TMEM151B: variants seen among roughly 807,000 people sequenced by gnomAD.
TMEM151B encodes the protein transmembrane protein 151B.
Under a neutral mutation model 33.0 loss-of-function variants are expected in TMEM151B, and 18 were observed. The ratio of observed to expected loss-of-function variants is 0.55; its 90% CI spans 0.38 to 0.81. The LOEUF (loss-of-function observed/expected upper bound fraction) is 0.81, where lower values mean the gene tolerates loss of function less well. TMEM151B is among the 30% of genes least tolerant of loss of function. The pLI is 0.00. For synonymous variants in TMEM151B, 354 were observed against 373.6 expected (o/e 0.95, Z 0.61); for missense variants, 672 against 843.4 (o/e 0.80, Z 2.52).
rs1260162116 is a variant in TMEM151B at position 44,278,893 on chromosome 6, A to ACACACACC, written c.*2367_*2368insACACACCC. 2.5e-3 allele frequency: 375 copies of ACACACACC among 149,566 alleles called. 1 individual carries two copies. Among genetic ancestry groups the ACACACACC allele is most frequent in the African/African-American group, 8.6e-3 (347 of 40,508 alleles). The allele number at this position is 149,566 out of a possible 1,614,324, so 9.3% of individuals were successfully genotyped here. A position where few individuals can be genotyped will look rare whatever the true frequency, so the allele number is the denominator to read the frequency against. On this transcript the variant is annotated 3_prime_UTR_variant, in exon 3 of 3. Coordinates refer to ENST00000451188, the MANE Select transcript of TMEM151B (RefSeq NM_001137560.2). ...TATACACACACACACACACACACACACCCTCACACCTACACGTTTGCACTC... is the reference window on the plus strand; with the variant it reads ...TATACACACACACACACACACACACACACACACCCCCTCACACCTACACGTTTGCACTC...
Position 44,275,896 on chromosome 6 carries a change from C to T in TMEM151B, c.1070C>T (p.Pro357Leu). ...GLSPSDELLP[P>L]LTHRLPRVNT... Reference sequence around the variant, plus strand: ...AGCCCCAGCGATGAGCTGCTGCCCCCGCTCACCCACCGCCTGCCGCGGGTC... The same window carrying T: ...AGCCCCAGCGATGAGCTGCTGCCCCTGCTCACCCACCGCCTGCCGCGGGTC... The change falls in exon 3 of 3, where the codon CCG (proline) becomes CTG (leucine). Residue 357 changes from proline to leucine, a missense_variant. Pro to Leu is a moderately conservative substitution (Grantham distance 98). Transcript: ENST00000451188. The T allele has an allele frequency of 1.3e-6, 2 of 1,532,778 alleles. No homozygotes were observed. Among genetic ancestry groups the T allele is most frequent in the Non-Finnish European group, 1.8e-6 (2 of 1,139,780 alleles). 94.9% of individuals were successfully genotyped at this position (1,532,778 alleles called of 1,614,324 possible). A position where few individuals can be genotyped will look rare whatever the true frequency, so the allele number is the denominator to read the frequency against.
At position 44,277,373 on chromosome 6, in the gene TMEM151B, A is replaced by G. The variant is rs325020; in HGVS notation, c.*846A>G. On this transcript the variant is annotated 3_prime_UTR_variant, in exon 3 of 3. Transcript: ENST00000451188. Reference sequence around the variant, plus strand: ...GCCTCCTCACCTGGGTTCTGAGTGTATACCCCTTTTAGAGAGTGAGATGCC... The same window carrying G: ...GCCTCCTCACCTGGGTTCTGAGTGTGTACCCCTTTTAGAGAGTGAGATGCC... 152,238 of 152,494 alleles carry G rather than the reference A, an allele frequency of 1. 75,991 individuals are homozygous for G. Among genetic ancestry groups the G allele is most frequent in the Middle Eastern group, 1 (294 of 294 alleles). The allele number at this position is 152,494 out of a possible 1,614,324, so 9.4% of individuals were successfully genotyped here.
In TMEM151B at chr6:44,278,387, C is replaced by G. The variant is rs2153339067; in HGVS notation, c.*1860C>G. On this transcript the variant is annotated 3_prime_UTR_variant, in exon 3 of 3. Coordinates refer to ENST00000451188, the MANE Select transcript of TMEM151B (RefSeq NM_001137560.2). The stretch of plus-strand genomic sequence containing the variant: ...CTACTAGCACTGAACCTGCCTGGAC[C>G]CTGAGTCTGTGCTCCTTGGGGGCCT... 6.5e-6 allele frequency: 1 copy of G among 153,038 alleles called. No individual in the cohort carries two copies. Among genetic ancestry groups the G allele is most frequent in the East Asian group, 1.9e-4 (1 of 5,194 alleles). The allele number at this position is 153,038 out of a possible 1,614,324, so 9.5% of individuals were successfully genotyped here.
At position 44,273,150 on chromosome 6, in the gene TMEM151B, G is replaced by A. The variant is rs369005521; in HGVS notation, c.220G>A (p.Gly74Ser). 6.5e-6 allele frequency: 10 copies of A among 1,543,406 alleles called. No individual in the cohort carries two copies. In the African/African-American group the frequency reaches 8.2e-5, roughly 13 times the overall value. ...KCLLLSLLMY[G>S]CLGAVAWCHV... ...CCTCCTGCTCTCGCTGCTCATGTACGGCTGCCTGGGGGCAGTGGCCTGGTG... is the reference window on the plus strand; with the variant it reads ...CCTCCTGCTCTCGCTGCTCATGTACAGCTGCCTGGGGGCAGTGGCCTGGTG... Residue 74 changes from glycine to serine, a missense_variant, in exon 2 of 3, where the codon GGC (glycine) becomes AGC (serine). This residue lies in a region of TMEM151B where 285 missense variants were observed against 423.1 expected (regional missense o/e 0.67). Coordinates refer to ENST00000451188, the MANE Select transcript of TMEM151B (RefSeq NM_001137560.2).
chr6:44,270,845 G>T lies in TMEM151B; in HGVS notation c.103G>T (p.Ala35Ser), dbSNP rs1782299853. 8.9e-7 allele frequency: 1 copy of T among 1,124,578 alleles called. No homozygotes were observed. Among genetic ancestry groups the T allele is most frequent in the Non-Finnish European group, 1.1e-6 (1 of 921,468 alleles). 69.7% of individuals were successfully genotyped at this position (1,124,578 alleles called of 1,614,324 possible). ...GGAGCTCACGGCGGCGGCGGCAGCG[G>T]CGGCGGCGGACGAGGGCCCCGCCCG... ...SEELTAAAAA[A>S]AADEGPAREE... is the part of the protein sequence containing the mutation. Residue 35 changes from alanine (A) to serine (S), a missense_variant, in exon 1 of 3, where the codon GCG (alanine) becomes TCG (serine). Ala to Ser is a moderately conservative substitution (Grantham distance 99). Around this residue, in one of 3 missense-constraint regions of TMEM151B, gnomAD observed 63 missense variants for 57.2 expected, o/e 1.10. Transcript: ENST00000451188.
At chr6:44,271,492 C>T (rs1459809568) in intron 1 of TMEM151B, among the ~76,000 whole-genome samples, 3 of 151,858 alleles carry the variant, frequency 2.0e-5, no homozygotes, top group Non-Finnish European at 4.4e-5. Flanking sequence ...ACCAGGAGCA[C>T]CCCCACTCCA....
At chr6:44,272,548 G>A (rs1289570546) in intron 1 of TMEM151B, among the ~76,000 whole-genome samples, 1 of 152,124 alleles carries the variant, frequency 6.6e-6, no homozygotes, top group African/African-American at 2.4e-5. Context: ...CTGGAAGTGA[G>A]GGCCCCACTT....
At position 44,276,831 on chromosome 6, in the gene TMEM151B, T is replaced by G; in HGVS notation, c.*304T>G. On this transcript the variant is annotated 3_prime_UTR_variant, in exon 3 of 3. Coordinates refer to ENST00000451188, the MANE Select transcript of TMEM151B (RefSeq NM_001137560.2). ...CTCCTGTCCAGCCCTTCAACAGATC[T>G]TCTGTTAGATGACAACCGTGCCGTG... 1.2e-5 allele frequency: 4 copies of G among 339,646 alleles called. No homozygotes were observed. The highest frequency in any genetic ancestry group is 1.5e-5 in the Non-Finnish European group (3 of 200,942). 21.0% of individuals were successfully genotyped at this position (339,646 alleles called of 1,614,324 possible).
chr6:44,273,092 C>T lies in TMEM151B; in HGVS notation c.162C>T (p.Thr54=). ...AGCGTCCCATCCAGCCCTCTTTCAC[C>T]AAGTCCCTCTGCCGTGAGTCCCACT... ...EEQRPIQPSF[T]KSLCRESHWK... is the part of the protein sequence containing the mutation. Residue 54 remains threonine, a synonymous_variant, in exon 2 of 3, where the codon ACC becomes ACT. Coordinates refer to ENST00000451188, the MANE Select transcript of TMEM151B (RefSeq NM_001137560.2). 1 of 1,503,356 alleles carries T rather than the reference C, an allele frequency of 6.7e-7. No homozygotes were observed. Among genetic ancestry groups the T allele is most frequent in the Non-Finnish European group, 8.9e-7 (1 of 1,119,546 alleles). 93.1% of individuals were successfully genotyped at this position (1,503,356 alleles called of 1,614,324 possible).
At position 44,275,850 on chromosome 6, in the gene TMEM151B, A is replaced by G; in HGVS notation, c.1024A>G (p.Ser342Gly). ...TGGCCTGGAGGGCCCGGGCTCGGCC[A>G]GCAGCGCAGGCGGTGGCCTCAGCCC... ...LFGLEGPGSA[S>G]SAGGGLSPSD... The change falls in exon 3 of 3, where the codon AGC becomes GGC. Residue 342 changes from serine (S) to glycine (G), a missense_variant. Around this residue, in one of 3 missense-constraint regions of TMEM151B, gnomAD observed 324 missense variants for 363.1 expected, o/e 0.89. Transcript: ENST00000451188. The G allele has an allele frequency of 6.5e-7, 1 of 1,541,998 alleles. No individual in the cohort carries two copies. Among genetic ancestry groups the G allele is most frequent in the East Asian group, 2.4e-5 (1 of 40,828 alleles).
At position 44,275,679 on chromosome 6, in the gene TMEM151B, G is replaced by A. The variant is rs1446512876; in HGVS notation, c.853G>A (p.Val285Met). 2.6e-6 allele frequency: 4 copies of A among 1,551,084 alleles called. No individual in the cohort carries two copies. Among genetic ancestry groups the A allele is most frequent in the Admixed American group, 3.9e-5 (2 of 51,004 alleles). ...GAACGTGGACTTCCGTGAGTTCATGGTGGCCTTCCCGGACCCGGCCCGGCC... is the reference window on the plus strand; with the variant it reads ...GAACGTGGACTTCCGTGAGTTCATGATGGCCTTCCCGGACCCGGCCCGGCC... ...LKNVDFREFM[V>M]AFPDPARPPW... The change falls in exon 3 of 3, where the codon GTG (valine) becomes ATG (methionine). Residue 285 changes from valine to methionine, a missense_variant. Coordinates refer to ENST00000451188, the MANE Select transcript of TMEM151B (RefSeq NM_001137560.2).
In TMEM151B at chr6:44,273,410, G is replaced by A. The variant is rs369822144; in HGVS notation, c.480G>A (p.Thr160=). ...RERVGRMQQA[T]PCIWWKAISY... The stretch of plus-strand genomic sequence containing the variant: ...GTGTGGGCCGCATGCAGCAAGCCAC[G>A]CCCTGCATCTGGTGGAAGGCCATCA... Residue 160 remains threonine, a synonymous_variant, in exon 2 of 3, where the codon ACG becomes ACA. Transcript: ENST00000451188. 4.7e-5 allele frequency: 73 copies of A among 1,551,160 alleles called. No individual in the cohort carries two copies. Among genetic ancestry groups the A allele is most frequent in the Non-Finnish European group, 5.8e-5 (67 of 1,146,978 alleles).
rs1782593491 is a variant in TMEM151B at position 44,276,449 on chromosome 6, C to T, written c.1623C>T (p.Val541=). 8 of 1,494,440 alleles carry T rather than the reference C, an allele frequency of 5.4e-6. No individual in the cohort carries two copies. Among genetic ancestry groups the T allele is most frequent in the Non-Finnish European group, 5.3e-6 (6 of 1,124,272 alleles). The allele number at this position is 1,494,440 out of a possible 1,614,324, so 92.6% of individuals were successfully genotyped here. The change falls in exon 3 of 3, where the codon GTC becomes GTT. Residue 541 remains valine, a synonymous_variant. Coordinates refer to ENST00000451188, the MANE Select transcript of TMEM151B (RefSeq NM_001137560.2). The part of the protein sequence containing the change: ...HDALYFPVLI[V]HRQEGCLGHS... ...CCCTCTACTTTCCGGTCCTCATCGT[C>T]CACCGGCAGGAGGGGTGTCTGGGCC... is the stretch of plus-strand genomic sequence containing the variant.
At chr6:44,270,922 G>GC (rs1278078562) in intron 1 of TMEM151B, 45 bp downstream of exon 1, 3 of 1,041,626 alleles carry the variant, frequency 2.9e-6, no homozygotes, top group African/African-American at 1.7e-5. Context: ...CCGCAGCCTG[G>GC]CCCCCCATCC....
chr6:44,270,747 C>T lies in TMEM151B; in HGVS notation c.5C>T (p.Ser2Phe). 3 of 1,065,358 alleles carry T rather than the reference C, an allele frequency of 2.8e-6. No homozygotes were observed. The highest frequency in any genetic ancestry group is 4.7e-5 in the East Asian group (1 of 21,072). 66.0% of individuals were successfully genotyped at this position (1,065,358 alleles called of 1,614,324 possible). A position where few individuals can be genotyped will look rare whatever the true frequency, so the allele number is the denominator to read the frequency against. The change falls in exon 1 of 3, where the codon TCC becomes TTC. Residue 2 changes from serine to phenylalanine, a missense_variant. Ser to Phe is a radical substitution (Grantham distance 155). Around this residue, in one of 3 missense-constraint regions of TMEM151B, gnomAD observed 63 missense variants for 57.2 expected, o/e 1.10. Coordinates refer to ENST00000451188, the MANE Select transcript of TMEM151B (RefSeq NM_001137560.2). ...TCGACGCGCCCCCTCTACGCCATGT[C>T]CCCCCCTGGCTCGGCCGCGGGAGAG... M[S>F]PPGSAAGESA...
rs1356090618 is a variant in TMEM151B, at chr6:44,276,531, C to T, written c.*4C>T. 5.9e-6 allele frequency: 8 copies of T among 1,352,374 alleles called. No individual in the cohort carries two copies. The highest frequency in any genetic ancestry group is 3.0e-5 in the African/African-American group (2 of 66,034). The allele number at this position is 1,352,374 out of a possible 1,614,324, so 83.8% of individuals were successfully genotyped here. A position where few individuals can be genotyped will look rare whatever the true frequency, so the allele number is the denominator to read the frequency against. ...CTGCGTAGAGACCTCACTGTGACCT[C>T]CGGCCCCGGAGTGGCCCGCGCCGTC... On this transcript the variant is annotated 3_prime_UTR_variant, in exon 3 of 3. Coordinates refer to ENST00000451188, the MANE Select transcript of TMEM151B (RefSeq NM_001137560.2).
In TMEM151B at chr6:44,278,988, C is replaced by T. The variant is rs965029773; in HGVS notation, c.*2461C>T. ...CTAGACAGGCACACACATGCAGTCA[C>T]TCCCAAGCCCCCTTTGGTGCTCTGC... On this transcript the variant is annotated 3_prime_UTR_variant, in exon 3 of 3. Transcript: ENST00000451188. 2 of 152,256 alleles carry T rather than the reference C, an allele frequency of 1.3e-5. No individual in the cohort carries two copies. The highest frequency in any genetic ancestry group is 4.8e-5 in the African/African-American group (2 of 41,456). The allele number at this position is 152,256 out of a possible 1,614,324, so 9.4% of individuals were successfully genotyped here.
chr6:44,274,053 A>T (rs1782471625), intron 2 of TMEM151B, among the ~76,000 whole-genome samples: 1 of 152,110 alleles, frequency 6.6e-6, no homozygotes, highest in South Asian at 2.1e-4. Context: ...CATCTCTATA[A>T]ATAATAAAAA....
Position 44,276,765 on chromosome 6 carries a change from T to G in TMEM151B, c.*238T>G. ...CCCCGAGATCCCCCTGGCAGAGTCA[T>G]TCTTCCAGCCCCAACCCTGAGTTCC... is the stretch of plus-strand genomic sequence containing the variant. On this transcript the variant is annotated 3_prime_UTR_variant, in exon 3 of 3. Transcript: ENST00000451188. 1.2e-6 allele frequency: 1 copy of G among 809,600 alleles called. No individual in the cohort carries two copies. The highest frequency in any genetic ancestry group is 1.6e-6 in the Non-Finnish European group (1 of 606,618). 50.2% of individuals were successfully genotyped at this position (809,600 alleles called of 1,614,324 possible). A position where few individuals can be genotyped will look rare whatever the true frequency, so the allele number is the denominator to read the frequency against.
Sources: allele counts gnomAD v4.1 joint callset (sites outside exome capture counted in the v4.1 genomes callset), GRCh38; gene constraint gnomAD v4.1.1; regional missense constraint gnomAD v4.1.1; transcripts MANE v1.5; gene names NCBI Gene and HGNC (gene_info 2026-07-23, HGNC 2026-07-21).